ROBO1: variants seen among roughly 807,000 people sequenced by gnomAD.
ROBO1 encodes the protein roundabout homolog 1.
A neutral mutation model predicts 195.9 loss-of-function variants in ROBO1; 149 were observed. The observed-to-expected ratio is 0.76, with a 90% confidence interval of 0.67 to 0.87. The LOEUF is 0.87. ROBO1 is among the 40% of genes least tolerant of loss of function. The pLI, the probability that ROBO1 is intolerant of heterozygous loss-of-function variation, is 0.00. For synonymous variants in ROBO1, 816 were observed against 733.2 expected, an observed-to-expected ratio of 1.11 and a Z score of -1.82; for missense variants, 1,933 against 2,068.3, an observed-to-expected ratio of 0.93 and a Z score of 1.27.
intron 10 of ROBO1, among the ~76,000 whole-genome samples, chr3:78,675,618 G>A (rs1414779219): frequency 6.6e-6 from 1 of 152,180 alleles, no homozygotes; most frequent in African/African-American, 2.4e-5. Flanking sequence ...CTGGGGGAGG[G>A]GGGCCTGCCA....
At chr3:79,505,584 G>A (rs1448754118) in intron 2 of ROBO1, among the ~76,000 whole-genome samples, 2 of 152,292 alleles carry the variant, frequency 1.3e-5, no homozygotes, top group Middle Eastern at 3.4e-3. Context: ...TGGAGAGAAA[G>A]AGGACATGGC....
At chr3:79,234,299 C>T (rs1312566878) in intron 2 of ROBO1, among the ~76,000 whole-genome samples, 3 of 152,046 alleles carry the variant, frequency 2.0e-5, no homozygotes, top group Admixed American at 2.0e-4. Context: ...AGGTTTTCTT[C>T]TAAGATTCTT....
intron 2 of ROBO1, among the ~76,000 whole-genome samples, chr3:79,166,103 T>C (rs1198485401): frequency 6.6e-6 from 1 of 152,186 alleles, no homozygotes; most frequent in Non-Finnish European, 1.5e-5. Flanking sequence ...AATAGGTCTC[T>C]ACTATTGCAA....
intron 4 of ROBO1, among the ~76,000 whole-genome samples, chr3:78,935,595 A>C (rs112254082): frequency 6.6e-6 from 1 of 152,028 alleles, no homozygotes. Flanking sequence ...TAAAGTTTTA[A>C]ATAGAGCTGA....
At chr3:79,741,097 G>A (rs1703623607) in intron 1 of ROBO1, among the ~76,000 whole-genome samples, 1 of 152,160 alleles carries the variant, frequency 6.6e-6, no homozygotes, top group Non-Finnish European at 1.5e-5. Flanking sequence ...ATAAGAAGCT[G>A]GAAAAGGTTG....
chr3:79,577,000 CATCTT>C (rs1049028847), intron 2 of ROBO1, among the ~76,000 whole-genome samples: 50 of 152,272 alleles, frequency 3.3e-4, no homozygotes, highest in African/African-American at 1.2e-3. Context: ...GTTTCTTAAA[CATCTT>C]TTCTTTTTAC....
At chr3:79,762,633 A>ACACACACACACACACAC (rs56727083) in intron 1 of ROBO1, among the ~76,000 whole-genome samples, 3 of 31,314 alleles carry the variant, frequency 9.6e-5, no homozygotes, top group Admixed American at 3.4e-4. Flanking sequence ...CACACACACA[A>ACACACACACACACACAC]AAGCCGAGAG....
chr3:78,662,148 G>C, intron 14 of ROBO1, 34 bp from the exon 15 acceptor site: 1 of 1,543,884 alleles, frequency 6.5e-7, no homozygotes, highest in Middle Eastern at 1.7e-4. Flanking sequence ...GTCAGGGTCT[G>C]CACAACGTTA....
intron 3 of ROBO1, among the ~76,000 whole-genome samples, chr3:79,008,933 G>GTGTGTGT (rs1341553693): frequency 1.4e-5 from 2 of 139,348 alleles, no homozygotes; most frequent in African/African-American, 2.7e-5. Context: ...GTGTGTGTAT[G>GTGTGTGT]GTTTTGTTTT....
At chr3:78,620,362 A>T (rs1704379762) in intron 26 of ROBO1, among the ~76,000 whole-genome samples, 1 of 151,856 alleles carries the variant, frequency 6.6e-6, no homozygotes, top group African/African-American at 2.4e-5. Flanking sequence ...AAATACAAAA[A>T]TTAGCCGGGT....
At chr3:78,913,245 T>C (rs1181753952) in intron 4 of ROBO1, among the ~76,000 whole-genome samples, 1 of 152,060 alleles carries the variant, frequency 6.6e-6, no homozygotes, top group Non-Finnish European at 1.5e-5. Flanking sequence ...ATGTAGAATA[T>C]GGATGATGAG....
At chr3:78,951,454 A>T (rs973015362) in intron 3 of ROBO1, among the ~76,000 whole-genome samples, 6 of 152,114 alleles carry the variant, frequency 3.9e-5, no homozygotes, top group Admixed American at 3.9e-4. Context: ...TGGCAGAACC[A>T]ACTTCCAGGT....
intron 2 of ROBO1, among the ~76,000 whole-genome samples, chr3:79,161,814 C>T (rs747257993): frequency 7.2e-5 from 11 of 152,036 alleles, no homozygotes; most frequent in Middle Eastern, 3.2e-3. Flanking sequence ...ATAGAAGGAC[C>T]GTCTATCCCT....
intron 3 of ROBO1, among the ~76,000 whole-genome samples, chr3:78,986,995 C>A (rs923759161): frequency 3.3e-5 from 5 of 151,922 alleles, no homozygotes; most frequent in Non-Finnish European, 7.4e-5. Flanking sequence ...TTAAACAGTG[C>A]CTATTTACAA....
At chr3:78,871,160 A>G (rs1200010452) in intron 4 of ROBO1, among the ~76,000 whole-genome samples, 1 of 152,172 alleles carries the variant, frequency 6.6e-6, no homozygotes, top group Non-Finnish European at 1.5e-5. Flanking sequence ...ACCCAAAGCC[A>G]TGTGAAGACA....
chr3:78,792,852 C>A (rs2084063739), intron 4 of ROBO1, among the ~76,000 whole-genome samples: 1 of 152,044 alleles, frequency 6.6e-6, no homozygotes, highest in Non-Finnish European at 1.5e-5. Flanking sequence ...GTAATCACAG[C>A]ACTTTGGAAG....
intron 4 of ROBO1, among the ~76,000 whole-genome samples, chr3:78,884,595 AAGAAAGAG>A (rs1220586725): frequency 0.022 from 3,183 of 147,466 alleles, 176 homozygotes; most frequent in African/African-American, 0.076. Context: ...GGGAGAAAGA[AAGAAAGAG>A]AGAAAGAGAG....
At position 79,589,835 on chromosome 3, in the gene ROBO1, T is replaced by G; in HGVS notation, c.77A>C (p.Gln26Pro). ...TGCACAGCACTTACCTGGAATAAGC[T>G]GGGCCAGAAACAGGTGATTTGGGGA... ...SLSPNHLFLA[Q>P]LIPDPEDVER... The change falls in exon 2 of 31, where the codon CAG becomes CCG. Residue 26 changes from glutamine to proline, a missense_variant. By Grantham distance (76) the Gln-to-Pro change is moderately conservative. Transcript: ENST00000464233. 5.0e-6 allele frequency: 8 copies of G among 1,610,648 alleles called. No homozygotes were observed. The highest frequency in any genetic ancestry group is 4.2e-6 in the Non-Finnish European group (5 of 1,177,556).
intron 5 of ROBO1, among the ~76,000 whole-genome samples, chr3:78,724,674 T>A (rs2082123168): frequency 6.6e-6 from 1 of 152,032 alleles, no homozygotes; most frequent in African/African-American, 2.4e-5. Flanking sequence ...AGAGTGAGAC[T>A]CTGTCACACA....
Sources: allele counts gnomAD v4.1 joint callset (sites outside exome capture counted in the v4.1 genomes callset), GRCh38; gene constraint gnomAD v4.1.1; transcripts MANE v1.5; gene names NCBI Gene and HGNC (gene_info 2026-07-23, HGNC 2026-07-21).